PEAK1: variants seen among roughly 807,000 people sequenced by gnomAD.
PEAK1 encodes the protein pseudopodium enriched atypical kinase 1.
In PEAK1, 54 loss-of-function variants were observed where a neutral mutation model predicts 124.7. That is an observed-to-expected ratio of 0.43 (90% CI 0.35 to 0.54). The LOEUF is 0.54. Ranked by LOEUF, PEAK1 falls within the 20% of genes least tolerant of loss-of-function variation. PEAK1 has a pLI of 0.01. For missense variants in PEAK1, 2,046 were observed against 2,134.5 expected, an observed-to-expected ratio of 0.96 and a Z score of 0.82; for synonymous variants, 719 against 760.0, an observed-to-expected ratio of 0.95 and a Z score of 0.89.
intron 2 of PEAK1, among the ~76,000 whole-genome samples, chr15:77,315,245 T>C (rs573166834): frequency 6.6e-6 from 1 of 152,346 alleles, no homozygotes; most frequent in South Asian, 2.1e-4. Flanking sequence ...GATTCTCTGA[T>C]ACTTTCATTT....
intron 1 of PEAK1, among the ~76,000 whole-genome samples, chr15:77,406,974 A>G (rs1385943245): frequency 6.6e-6 from 1 of 152,176 alleles, no homozygotes; most frequent in Non-Finnish European, 1.5e-5. Context: ...AAAGCCAAAT[A>G]CTACAGCCAA....
chr15:77,399,433 A>G (rs1028776684), intron 1 of PEAK1, among the ~76,000 whole-genome samples: 2 of 152,216 alleles, frequency 1.3e-5, no homozygotes, highest in Non-Finnish European at 2.9e-5. Flanking sequence ...ACAATGCTAT[A>G]GTAACTAAAA....
intron 1 of PEAK1, among the ~76,000 whole-genome samples, chr15:77,369,791 C>T (rs2068518759): frequency 6.6e-6 from 1 of 152,138 alleles, no homozygotes; most frequent in Non-Finnish European, 1.5e-5. Context: ...ACCATCTTTC[C>T]TTCCCATGAT....
Position 77,133,794 on chromosome 15 carries a change from T to C in PEAK1, c.3332-44A>G, listed in dbSNP as rs1479954361. 1.3e-6 allele frequency: 2 copies of C among 1,501,584 alleles called. No homozygotes were observed. Among genetic ancestry groups the C allele is most frequent in the East Asian group, 2.3e-5 (1 of 43,400 alleles). 93.0% of individuals were successfully genotyped at this position (1,501,584 alleles called of 1,614,324 possible). ...AATAAAAAGAAAAGAGTAAGTAAAG[T>C]TTTCAATCTAATTTTATAACTGAAA... is the stretch of plus-strand genomic sequence containing the variant. On this transcript the variant is annotated intron_variant, in intron 8 of 9. Coordinates refer to ENST00000682557, the MANE Select transcript of PEAK1 (RefSeq NM_001385026.1). This position sits in a 1 kb window ranked among gnomAD's most constrained non-coding sequence, Gnocchi z 4.2.
intron 6 of PEAK1, among the ~76,000 whole-genome samples, chr15:77,198,385 C>T (rs2058209124): frequency 6.6e-6 from 1 of 152,166 alleles, no homozygotes; most frequent in African/African-American, 2.4e-5. Flanking sequence ...TGAAATGCCA[C>T]CAGTGATGCT....
At chr15:77,364,901 T>C (rs2068118865) in intron 2 of PEAK1, among the ~76,000 whole-genome samples, 1 of 152,190 alleles carries the variant, frequency 6.6e-6, no homozygotes, top group Non-Finnish European at 1.5e-5. Flanking sequence ...CAGAGAACAG[T>C]AGTATGAATT....
intron 1 of PEAK1, chr15:77,418,419 C>CG (rs2073066318): frequency 3.0e-6 from 3 of 985,246 alleles, no homozygotes; most frequent in Non-Finnish European, 3.6e-6. Flanking sequence ...CTTTCCCCCC[C>CG]GACAGCAATG....
chr15:77,150,118 A>C (rs2054475238), intron 8 of PEAK1, among the ~76,000 whole-genome samples: 3 of 152,186 alleles, frequency 2.0e-5, no homozygotes, highest in Admixed American at 2.0e-4. Context: ...GGCATCTATA[A>C]TCATTTTAAG....
At chr15:77,352,774 G>A in intron 2 of PEAK1, 1 of 973,918 alleles carries the variant, frequency 1.0e-6, no homozygotes, top group Non-Finnish European at 1.2e-6. Flanking sequence ...ACATACAAAA[G>A]TCAGGATCAA....
At chr15:77,337,431 T>G (rs1324751807) in intron 2 of PEAK1, 1 of 965,132 alleles carries the variant, frequency 1.0e-6, no homozygotes, top group Non-Finnish European at 1.2e-6. Context: ...ACTAAGAATT[T>G]GATGATTTCT....
chr15:77,188,418 G>C (rs1249975275), intron 6 of PEAK1, among the ~76,000 whole-genome samples: 1 of 152,092 alleles, frequency 6.6e-6, no homozygotes, highest in Non-Finnish European at 1.5e-5. Flanking sequence ...ACTCTTTGAC[G>C]AATCAGTTAA....
At chr15:77,356,740 T>C (rs921552878) in intron 2 of PEAK1, among the ~76,000 whole-genome samples, 4 of 152,358 alleles carry the variant, frequency 2.6e-5, no homozygotes, top group African/African-American at 4.8e-5. Flanking sequence ...TGTGCATATA[T>C]AGAAATCCAA....
At position 77,300,340 on chromosome 15, in the gene PEAK1, T is replaced by A. The variant is rs1597182107; in HGVS notation, c.-602-13836A>T. 2.0e-5 allele frequency among the ~76,000 whole-genome samples: 3 copies of A among 152,348 alleles called. No individual in the cohort carries two copies. In the South Asian group the frequency reaches 6.2e-4, roughly 32 times the overall value. ...TTGAGGAAGAGAGGAGTACTGTTAGTAGGCAGGCTTCCTCCAACAGATAAT... is the reference window on the plus strand; with the variant it reads ...TTGAGGAAGAGAGGAGTACTGTTAGAAGGCAGGCTTCCTCCAACAGATAAT... On this transcript the variant is annotated intron_variant, in intron 2 of 9. Coordinates refer to ENST00000682557, the MANE Select transcript of PEAK1 (RefSeq NM_001385026.1).
chr15:77,263,678 A>G (rs1029719125), intron 5 of PEAK1, among the ~76,000 whole-genome samples: 1 of 152,308 alleles, frequency 6.6e-6, no homozygotes, highest in Non-Finnish European at 1.5e-5. Flanking sequence ...CTAAAGGTAC[A>G]AGGAGGAGCT....
chr15:77,270,461 A>G (rs899327297), intron 5 of PEAK1, among the ~76,000 whole-genome samples: 1 of 152,220 alleles, frequency 6.6e-6, no homozygotes, highest in African/African-American at 2.4e-5. Context: ...TGCAAAAATC[A>G]TAAGCATTCT....
chr15:77,192,299 TTA>T (rs2057871368), intron 6 of PEAK1, among the ~76,000 whole-genome samples: 1 of 152,186 alleles, frequency 6.6e-6, no homozygotes, highest in Non-Finnish European at 1.5e-5. Context: ...AGACTTGGGT[TTA>T]GTAACTGAAG....
At chr15:77,251,208 C>A (rs2060865590) in intron 6 of PEAK1, among the ~76,000 whole-genome samples, 1 of 152,110 alleles carries the variant, frequency 6.6e-6, no homozygotes, top group African/African-American at 2.4e-5. Flanking sequence ...TGAATCTTTA[C>A]AAAACATGCA....
intron 2 of PEAK1, among the ~76,000 whole-genome samples, chr15:77,357,984 C>T (rs376422561): frequency 6.6e-6 from 1 of 152,144 alleles, no homozygotes; most frequent in Admixed American, 6.5e-5. Flanking sequence ...TTGTCCTCTG[C>T]TTCAGAGGAA....
chr15:77,288,574 T>C (rs917231180), intron 2 of PEAK1, among the ~76,000 whole-genome samples: 2 of 152,234 alleles, frequency 1.3e-5, no homozygotes, highest in African/African-American at 4.8e-5. Context: ...TTTTAGTAAG[T>C]CTTTTTGGAG....
Sources: gnomAD v4.1 joint callset for allele counts (sites outside exome capture counted in the v4.1 genomes callset) on GRCh38, gnomAD v4.1.1 for gene constraint, Gnocchi (gnomAD v3.1) non-coding constraint, MANE v1.5 for transcripts, NCBI Gene and HGNC (gene_info 2026-07-23, HGNC 2026-07-21) for gene names.